Variants in ATP6V1E2 observed in about 807,000 individuals in gnomAD.
The protein encoded by ATP6V1E2 is V-type proton ATPase subunit E 2.
For synonymous variants in ATP6V1E2, 121 were observed against 104.2 expected, an observed-to-expected ratio of 1.16 and a Z score of -0.98; for missense variants, 308 against 273.3, an observed-to-expected ratio of 1.13 and a Z score of -0.90.
At chr2:46,517,816 T>C (rs1666356533) in intron 4 of ATP6V1E2, among the ~76,000 whole-genome samples, 1 of 152,180 alleles carries the variant, frequency 6.6e-6, no homozygotes, top group Non-Finnish European at 1.5e-5. Flanking sequence ...GACAGGATGG[T>C]CATTATTTTT....
chr2:46,521,863 T>C lies in ATP6V1E2; in HGVS notation c.-101-9051A>G, dbSNP rs573485393. Reference sequence around the variant, plus strand: ...ATGCCACCACACCCGGCTAATTTTTTGTATTTTTAGTAGAGGCGGAGTTTC... The same window carrying C: ...ATGCCACCACACCCGGCTAATTTTTCGTATTTTTAGTAGAGGCGGAGTTTC... On this transcript the variant is annotated intron_variant, in intron 4 of 4. Coordinates refer to ENST00000522587, the MANE Select transcript of ATP6V1E2 (RefSeq NM_001318063.2). Among the ~76,000 whole-genome samples the C allele has an allele frequency of 8.5e-5, 13 of 152,206 alleles. No homozygotes were observed. In the East Asian group the frequency reaches 2.5e-3, roughly 29 times the overall value.
Position 46,512,737 on chromosome 2 carries a change from G to A in ATP6V1E2, c.-26C>T. 6.3e-7 allele frequency: 1 copy of A among 1,584,248 alleles called. No homozygotes were observed. On this transcript the variant is annotated 5_prime_UTR_variant, in exon 5 of 5. Coordinates refer to ENST00000522587, the MANE Select transcript of ATP6V1E2 (RefSeq NM_001318063.2). Reference sequence around the variant, plus strand: ...GGCTGCTCTCAGAGGGGACGGCAGAGAGGGAGCTCGTACACCGTTTGGCTC... The same window carrying A: ...GGCTGCTCTCAGAGGGGACGGCAGAAAGGGAGCTCGTACACCGTTTGGCTC...
At chr2:46,531,320 A>C (rs1390788118) in intron 4 of ATP6V1E2, among the ~76,000 whole-genome samples, 1 of 152,186 alleles carries the variant, frequency 6.6e-6, no homozygotes, top group African/African-American at 2.4e-5. Flanking sequence ...ACTTAGCATA[A>C]CGTTTTTGAG....
At chr2:46,520,234 G>A (rs753301318) in intron 4 of ATP6V1E2, among the ~76,000 whole-genome samples, 1 of 152,250 alleles carries the variant, frequency 6.6e-6, no homozygotes, top group Non-Finnish European at 1.5e-5. Flanking sequence ...TCCCTCTGCA[G>A]GAAAGCGTGT....
At chr2:46,536,428 G>C (rs1438359384) in intron 3 of ATP6V1E2, among the ~76,000 whole-genome samples, 183 bp downstream of exon 3, 3 of 152,228 alleles carry the variant, frequency 2.0e-5, no homozygotes, top group African/African-American at 4.8e-5. Flanking sequence ...TTAGTGGCAG[G>C]GAGAAAAATA....
intron 4 of ATP6V1E2, among the ~76,000 whole-genome samples, chr2:46,529,920 G>A (rs1196299265): frequency 1.3e-5 from 2 of 152,120 alleles, no homozygotes; most frequent in African/African-American, 2.4e-5. Context: ...GATGATGAAC[G>A]TCAGGGTGAT....
chr2:46,534,270 AT>A (rs1667334583), intron 4 of ATP6V1E2: 1 of 152,062 alleles, frequency 6.6e-6, no homozygotes, highest in African/African-American at 2.4e-5. Context: ...GACAGTTTCT[AT>A]TGCTATGTCT....
intron 4 of ATP6V1E2, among the ~76,000 whole-genome samples, chr2:46,521,535 AAGG>A (rs1470079993): frequency 1.3e-5 from 2 of 152,148 alleles, no homozygotes; most frequent in African/African-American, 2.4e-5. Flanking sequence ...CAGACTGAGG[AAGG>A]AGGAGAAGGG....
intron 4 of ATP6V1E2, among the ~76,000 whole-genome samples, chr2:46,514,855 T>C (rs1687644221): frequency 6.6e-6 from 1 of 152,114 alleles, no homozygotes; most frequent in Non-Finnish European, 1.5e-5. Flanking sequence ...AGACACATTA[T>C]AATCAAATTG....
intron 4 of ATP6V1E2, among the ~76,000 whole-genome samples, chr2:46,532,002 G>T (rs557648181): frequency 1.3e-5 from 2 of 152,226 alleles, no homozygotes; most frequent in East Asian, 3.9e-4. Flanking sequence ...TCACTTTCTT[G>T]ATAATGTCCT....
At chr2:46,540,866 A>G (rs946971847) in intron 2 of ATP6V1E2, among the ~76,000 whole-genome samples, 1 of 152,144 alleles carries the variant, frequency 6.6e-6, no homozygotes, top group Non-Finnish European at 1.5e-5. Context: ...ACTGTCACCA[A>G]TGAAGTCACC....
At chr2:46,529,756 AATGATG>A (rs200736563) in intron 4 of ATP6V1E2, among the ~76,000 whole-genome samples, 3 of 151,580 alleles carry the variant, frequency 2.0e-5, no homozygotes, top group South Asian at 4.2e-4. Flanking sequence ...ATCTGTCTTT[AATGATG>A]ATGATGATGA....
rs1667819183 is a variant in ATP6V1E2, at chr2:46,542,221, T to G, written c.-378A>C. On this transcript the variant is annotated 5_prime_UTR_variant, in exon 1 of 5. Transcript: ENST00000522587. ...TTTTTTTTTTTTTTTTTTTACCCTT[T>G]TGGTCTCTCCTCCTTGATTTCTAGT... 1 of 151,418 alleles carries G rather than the reference T, an allele frequency of 6.6e-6. No individual in the cohort carries two copies. The highest frequency in any genetic ancestry group is 2.4e-5 in the African/African-American group (1 of 41,280). 9.4% of individuals were successfully genotyped at this position (151,418 alleles called of 1,614,324 possible).
At chr2:46,517,996 C>G (rs892983707) in intron 4 of ATP6V1E2, among the ~76,000 whole-genome samples, 6 of 152,146 alleles carry the variant, frequency 3.9e-5, no homozygotes, top group African/African-American at 1.4e-4. Flanking sequence ...ATCCAGCAAT[C>G]CCACTTCTGT....
chr2:46,538,807 A>C (rs1472410945), intron 2 of ATP6V1E2, among the ~76,000 whole-genome samples: 1 of 152,182 alleles, frequency 6.6e-6, no homozygotes, highest in African/African-American at 2.4e-5. Flanking sequence ...GTGAATCCCA[A>C]ATTCAAAATT....
intron 2 of ATP6V1E2, among the ~76,000 whole-genome samples, chr2:46,538,820 C>T (rs1667576185): frequency 6.6e-6 from 1 of 152,130 alleles, no homozygotes; most frequent in Admixed American, 6.5e-5. Flanking sequence ...TCAAAATTCT[C>T]AGGCAAGGCT....
intron 4 of ATP6V1E2, among the ~76,000 whole-genome samples, chr2:46,517,368 A>G (rs1032800522): frequency 1.3e-5 from 2 of 152,224 alleles, no homozygotes; most frequent in African/African-American, 4.8e-5. Flanking sequence ...AAGGCCTGAA[A>G]CGATAAAATT....
At chr2:46,516,916 T>C (rs899801211) in intron 4 of ATP6V1E2, among the ~76,000 whole-genome samples, 20 of 152,196 alleles carry the variant, frequency 1.3e-4, no homozygotes, top group African/African-American at 4.6e-4. Context: ...ACCAAAATGA[T>C]CCACAGATTC....
chr2:46,536,087 G>A (rs1323174456), intron 3 of ATP6V1E2, among the ~76,000 whole-genome samples, 160 bp from the exon 4 acceptor site: 3 of 152,154 alleles, frequency 2.0e-5, no homozygotes, highest in Non-Finnish European at 4.4e-5. Context: ...AGCAATGGGT[G>A]GTGATGCCAT....
Sources: allele counts gnomAD v4.1 joint callset (sites outside exome capture counted in the v4.1 genomes callset), GRCh38; gene constraint gnomAD v4.1.1; transcripts MANE v1.5; gene names NCBI Gene and HGNC (gene_info 2026-07-23, HGNC 2026-07-21).